Variants in MGAM observed in about 807,000 individuals in gnomAD.
The protein encoded by MGAM is maltase-glucoamylase, also known as alpha-1,4-glucosidase.
A neutral mutation model predicts 358.8 loss-of-function variants in MGAM; 253 were observed. That is an observed-to-expected ratio of 0.71 (90% CI 0.64 to 0.78). The LOEUF is 0.78. Among genes scored for constraint, MGAM ranks in the 30% least tolerant of loss-of-function variants. The pLI is 0.00. For missense variants in MGAM, 3,080 were observed against 3,432.6 expected, an observed-to-expected ratio of 0.90 and a Z score of 2.57; for synonymous variants, 1,105 against 1,227.1, an observed-to-expected ratio of 0.90 and a Z score of 2.08.
At position 142,065,714 on chromosome 7, in the gene MGAM, G is replaced by T. The variant is rs372408136; in HGVS notation, c.4654-1G>T. 1.6e-5 allele frequency: 26 copies of T among 1,590,652 alleles called. No homozygotes were observed. The African/African-American group carries it at 3.1e-4, about 19-fold the overall frequency. ...GCTCCTTTTATTTCCTCTTGTTTCA[G>T]ACGGGAGCAGATATCTGTGGGTTCT... On this transcript the variant is annotated splice_acceptor_variant, in intron 39 of 70. Coordinates refer to ENST00000475668, the MANE Select transcript of MGAM (RefSeq NM_001365693.1). LOFTEE classifies it high-confidence loss of function.
chr7:142,097,310 G>T (rs191687617), intron 65 of MGAM, among the ~76,000 whole-genome samples: 3 of 151,504 alleles, frequency 2.0e-5, no homozygotes, highest in East Asian at 3.9e-4. Flanking sequence ...CTTTAAGAGG[G>T]AATGGCGTAA....
In MGAM at chr7:142,005,714, A is replaced by T. The variant is rs1030757384; in HGVS notation, c.127+57A>T. The T allele has an allele frequency of 2.0e-6, 3 of 1,536,250 alleles. No individual in the cohort carries two copies. The Admixed American group carries it at 5.9e-5, about 30-fold the overall frequency. ...GTTGTTTTTATTAGAGCAAACCTTC[A>T]ACAATGTCAGGAAAGTAATGCTTTC... is the stretch of plus-strand genomic sequence containing the variant. On this transcript the variant is annotated intron_variant, in intron 2 of 70. Transcript: ENST00000475668.
intron 21 of MGAM, among the ~76,000 whole-genome samples, chr7:142,043,789 A>G (rs62650366): frequency 0.087 from 3,322 of 38,394 alleles, 578 homozygotes; most frequent in Admixed American, 0.12. Flanking sequence ...CACATACGAC[A>G]TATAATATAT....
At chr7:142,009,746 T>C (rs1805459114) in intron 3 of MGAM, among the ~76,000 whole-genome samples, 1 of 149,944 alleles carries the variant, frequency 6.7e-6, no homozygotes, top group South Asian at 2.1e-4. Context: ...CAGAGAGAAA[T>C]ACTGGCACTT....
chr7:142,042,029 TATTATATACATATAATATATA>T (rs1190296130), intron 21 of MGAM, among the ~76,000 whole-genome samples: 5 of 22,670 alleles, frequency 2.2e-4, no homozygotes, highest in African/African-American at 1.6e-3. Flanking sequence ...ATATATATTA[TATTATATACATATAATATATA>T]ATATATATAC....
Position 142,076,203 on chromosome 7 carries a change from A to T in MGAM, c.5276A>T (p.Asp1759Val), listed in dbSNP as rs760227418. 12 of 1,545,334 alleles carry T rather than the reference A, an allele frequency of 7.8e-6. 1 individual carries two copies. Among genetic ancestry groups the T allele is most frequent in the African/African-American group, 1.3e-5 (1 of 74,534 alleles). Residue 1759 changes from aspartate (D) to valine (V), a missense_variant and splice_region_variant, in exon 46 of 71, where the codon GAT becomes GTT. Physicochemically the swap from Asp to Val is radical, Grantham distance 152. Around this residue, in one of 5 missense-constraint regions of MGAM, gnomAD observed 932 missense variants for 1,198.2 expected, o/e 0.78. Coordinates refer to ENST00000475668, the MANE Select transcript of MGAM (RefSeq NM_001365693.1). ...ELFWDDGQTK[D>V]TVAKKVYLLC... ...TGACTTGTCTTTCTGTCACTTTCAGATACTGTGGCCAAGAAAGTATATCTT... is the reference window on the plus strand; with the variant it reads ...TGACTTGTCTTTCTGTCACTTTCAGTTACTGTGGCCAAGAAAGTATATCTT...
At position 142,068,054 on chromosome 7, in the gene MGAM, C is replaced by T. The variant is rs1812999259; in HGVS notation, c.5005-593C>T. On this transcript the variant is annotated intron_variant, in intron 42 of 70. Transcript: ENST00000475668. ...CCAGGCTGGAGTGCAGTGGCATGAT[C>T]TTGGCTCATTCAACCTCTGCCTCCT... Among the ~76,000 whole-genome samples, 3 of 108,400 alleles carry T rather than the reference C, an allele frequency of 2.8e-5. No homozygotes were observed. In the South Asian group the frequency reaches 9.3e-4, roughly 34 times the overall value. The allele number at this position is 108,400 out of a possible 152,430, so 71.1% of individuals were successfully genotyped here. A position where few individuals can be genotyped will look rare whatever the true frequency, so the allele number is the denominator to read the frequency against.
rs1438073474 is a variant in MGAM, at chr7:142,045,162, AAT to A, written c.2499-2614_2499-2613del. On this transcript the variant is annotated intron_variant, in intron 21 of 70. Coordinates refer to ENST00000475668, the MANE Select transcript of MGAM (RefSeq NM_001365693.1). ...ATTATATATCATATATGTGATATAT[AAT>A]ATATATATTATATAACATATATGAT... Among the ~76,000 whole-genome samples, 198 of 71,624 alleles carry A rather than the reference AAT, an allele frequency of 2.8e-3. 11 individuals are homozygous for A. The highest frequency in any genetic ancestry group is 8.6e-3 in the Admixed American group (45 of 5,230). The allele number at this position is 71,624 out of a possible 152,430, so 47.0% of individuals were successfully genotyped here.
chr7:142,102,816 C>A, intron 69 of MGAM, 137 bp downstream of exon 69: 1 of 879,806 alleles, frequency 1.1e-6, no homozygotes, highest in Non-Finnish European at 1.7e-6. Context: ...CTTCTCTAGA[C>A]TTCCGGTGGA....
intron 3 of MGAM, among the ~76,000 whole-genome samples, chr7:142,009,137 C>G (rs2128985701): frequency 6.6e-6 from 1 of 152,238 alleles, no homozygotes; most frequent in East Asian, 1.9e-4. Flanking sequence ...CAAAGCTCAT[C>G]TAGAATCTGC....
At position 142,087,002 on chromosome 7, in the gene MGAM, G is replaced by C. The variant is rs1305175384; in HGVS notation, c.6810+285G>C. On this transcript the variant is annotated intron_variant, in intron 57 of 70. Transcript: ENST00000475668. ...ACAGAGTGTTGATTTCAATTCCAAG[G>C]CTGTCAGATTACAAAGGCCCAAGAA... 3.0e-5 allele frequency among the ~76,000 whole-genome samples: 3 copies of C among 99,822 alleles called. 1 individual carries two copies. Among genetic ancestry groups the C allele is most frequent in the African/African-American group, 1.2e-4 (3 of 24,366 alleles). The allele number at this position is 99,822 out of a possible 152,430, so 65.5% of individuals were successfully genotyped here.
chr7:142,035,742 C>G (rs1807934502), intron 16 of MGAM, among the ~76,000 whole-genome samples: 1 of 152,042 alleles, frequency 6.6e-6, no homozygotes, highest in South Asian at 2.1e-4. Context: ...AAAGGTTGAA[C>G]AGCAAGGAAG....
rs1297016704 is a variant in MGAM, at chr7:142,030,558, C to T, written c.1353+65C>T. On this transcript the variant is annotated intron_variant, in intron 11 of 70. Transcript: ENST00000475668. ...CCTCCGTATCATACACCCATCTCTC[C>T]TGCTTTCTCCCCCAGTTCCCAGTCT... The T allele has an allele frequency of 2.5e-6, 4 of 1,608,292 alleles. No homozygotes were observed. The African/African-American group carries it at 5.4e-5, about 22-fold the overall frequency.
In MGAM at chr7:142,086,661, C is replaced by T; in HGVS notation, c.6754C>T (p.Pro2252Ser). 4.5e-6 allele frequency: 5 copies of T among 1,113,920 alleles called. 2 individuals carry two copies. Among genetic ancestry groups the T allele is most frequent in the Non-Finnish European group, 6.2e-6 (5 of 805,922 alleles). The allele number at this position is 1,113,920 out of a possible 1,614,324, so 69.0% of individuals were successfully genotyped here. ...AACATGTTTCTCTCCATAGGTCTGG[C>T]CTGATTTTCCTGATGTTGTTGTGAA... ...DGDIVWGKVWPDFPDVVVNGS... is the reference protein window; with the variant it reads ...DGDIVWGKVWSDFPDVVVNGS... Residue 2252 changes from proline (P) to serine (S), a missense_variant, in exon 57 of 71, where the codon CCT (proline) becomes TCT (serine). By Grantham distance (74) the Pro-to-Ser change is moderately conservative (BLOSUM62 -1). Transcript: ENST00000475668.
chr7:142,037,470 A>G (rs535673935), intron 18 of MGAM, among the ~76,000 whole-genome samples: 1 of 152,218 alleles, frequency 6.6e-6, no homozygotes, highest in Non-Finnish European at 1.5e-5. Flanking sequence ...GGCAATGAAC[A>G]TCTCTAATTT....
At chr7:142,042,030 A>G (rs1808813114) in intron 21 of MGAM, among the ~76,000 whole-genome samples, 2 of 54,286 alleles carry the variant, frequency 3.7e-5, no homozygotes, top group African/African-American at 1.3e-4. Flanking sequence ...TATATATTAT[A>G]TTATATACAT....
intron 3 of MGAM, among the ~76,000 whole-genome samples, chr7:142,012,229 C>T (rs539933483): frequency 2.0e-5 from 3 of 152,038 alleles, no homozygotes; most frequent in Non-Finnish European, 4.4e-5. Context: ...AACATAATGC[C>T]CAAGACTGAG....
Position 142,032,837 on chromosome 7 carries a change from G to A in MGAM, c.1597G>A (p.Val533Ile), listed in dbSNP as rs1807630729. 1.9e-6 allele frequency: 3 copies of A among 1,608,538 alleles called. No individual in the cohort carries two copies. The change falls in exon 14 of 71, where the codon GTC becomes ATC. Residue 533 changes from valine (V) to isoleucine (I), a missense_variant. Coordinates refer to ENST00000475668, the MANE Select transcript of MGAM (RefSeq NM_001365693.1). The stretch of plus-strand genomic sequence containing the variant: ...CTTTGTCTTGTAGGATATGAATGAA[G>A]TCTCCAACTTTGTTGATGGTTCGGT... ...FDGIWIDMNE[V>I]SNFVDGSVSG...
At chr7:142,052,242 C>T (rs1288381424) in intron 24 of MGAM, 52 bp from the exon 25 acceptor site, 2 of 1,481,404 alleles carry the variant, frequency 1.4e-6, no homozygotes, top group Non-Finnish European at 1.8e-6. Flanking sequence ...TCAGGTCTTG[C>T]AAAGCCTGTC....
Sources: gnomAD v4.1 joint callset for allele counts (sites outside exome capture counted in the v4.1 genomes callset) on GRCh38, gnomAD v4.1.1 for gene constraint, gnomAD v4.1.1 regional missense constraint, MANE v1.5 for transcripts, NCBI Gene and HGNC (gene_info 2026-07-23, HGNC 2026-07-21) for gene names.